Variants in NELL1 observed in about 807,000 individuals in gnomAD.
The protein encoded by NELL1 is neural EGFL like 1, also known as protein kinase C-binding protein NELL1.
In NELL1, 76 loss-of-function variants were observed where a neutral mutation model predicts 107.4. The observed-to-expected ratio is 0.71, with a 90% CI of 0.59 to 0.86. NELL1 has a LOEUF of 0.86. NELL1 is among the 40% of genes least tolerant of loss of function. The pLI, the probability that NELL1 is intolerant of heterozygous loss-of-function variation, is 0.00. For synonymous variants in NELL1, 353 were observed against 341.2 expected (o/e 1.03, Z -0.38); for missense variants, 1,024 against 1,005.5 (o/e 1.02, Z -0.25).
intron 12 of NELL1, among the ~76,000 whole-genome samples, chr11:20,994,069 A>G (rs1386533728): frequency 1.3e-5 from 2 of 152,222 alleles, no homozygotes; most frequent in East Asian, 3.8e-4. Context: ...TGTTCTAGCT[A>G]ATTAGGACAA....
chr11:21,205,336 G>A (rs941483057), intron 13 of NELL1, among the ~76,000 whole-genome samples: 2 of 152,214 alleles, frequency 1.3e-5, no homozygotes, highest in Non-Finnish European at 2.9e-5. Context: ...TAAAGAGGCA[G>A]TCTGGCTACA....
chr11:20,999,123 A>T (rs188461188), intron 12 of NELL1, among the ~76,000 whole-genome samples: 1 of 152,316 alleles, frequency 6.6e-6, no homozygotes, highest in Non-Finnish European at 1.5e-5. Context: ...TGCTAAGTCA[A>T]TGATGGATAT....
At chr11:21,292,404 A>T (rs1182942843) in intron 14 of NELL1, among the ~76,000 whole-genome samples, 1 of 152,178 alleles carries the variant, frequency 6.6e-6, no homozygotes, top group East Asian at 1.9e-4. Context: ...GAGAACTACA[A>T]ACTACTGCTC....
chr11:21,067,362 T>A (rs1175011193), intron 12 of NELL1, among the ~76,000 whole-genome samples: 3 of 151,976 alleles, frequency 2.0e-5, no homozygotes, highest in Non-Finnish European at 4.4e-5. Context: ...CAAACATGAT[T>A]TTTTTTTAAA....
chr11:20,789,043 A>G (rs1857023952), intron 3 of NELL1, among the ~76,000 whole-genome samples: 1 of 152,214 alleles, frequency 6.6e-6, no homozygotes, highest in Non-Finnish European at 1.5e-5. Context: ...TCAATTGACC[A>G]TAAATATGAG....
chr11:20,779,379 C>G (rs1480525745), intron 2 of NELL1, among the ~76,000 whole-genome samples: 1 of 152,218 alleles, frequency 6.6e-6, no homozygotes, highest in Non-Finnish European at 1.5e-5. Context: ...CGTATTCAAT[C>G]TATGTTTAGC....
chr11:21,477,921 A>AG (rs1355189061), intron 15 of NELL1, among the ~76,000 whole-genome samples: 10 of 33,108 alleles, frequency 3.0e-4, no homozygotes, highest in Non-Finnish European at 5.2e-4. Flanking sequence ...AATTATAATA[A>AG]AAAGAAGCAG....
chr11:21,450,060 T>A (rs1309615848), intron 15 of NELL1, among the ~76,000 whole-genome samples: 1 of 152,224 alleles, frequency 6.6e-6, no homozygotes, highest in Non-Finnish European at 1.5e-5. Context: ...GCCTAGTTGG[T>A]GACCTGTTAA....
intron 13 of NELL1, among the ~76,000 whole-genome samples, chr11:21,205,091 G>C (rs1337378836): frequency 2.6e-5 from 4 of 152,140 alleles, no homozygotes; most frequent in Non-Finnish European, 4.4e-5. Flanking sequence ...ATGGGGGTCA[G>C]GGACCCACTT....
At chr11:21,467,822 A>G (rs1368023001) in intron 15 of NELL1, among the ~76,000 whole-genome samples, 1 of 152,016 alleles carries the variant, frequency 6.6e-6, no homozygotes. Context: ...AATCCCTTGG[A>G]ACTCCTGAAT....
chr11:21,150,573 G>A (rs974192014), intron 13 of NELL1, among the ~76,000 whole-genome samples: 9 of 152,264 alleles, frequency 5.9e-5, no homozygotes, highest in East Asian at 3.9e-4. Flanking sequence ...GGTTAATGCC[G>A]TTCATGGCCT....
intron 3 of NELL1, among the ~76,000 whole-genome samples, chr11:20,833,499 A>C (rs1382114864): frequency 6.6e-6 from 1 of 152,186 alleles, no homozygotes; most frequent in African/African-American, 2.4e-5. Context: ...AATATTTATT[A>C]AGTCACTACA....
chr11:21,492,562 A>C (rs1854853037), intron 15 of NELL1, among the ~76,000 whole-genome samples: 1 of 152,034 alleles, frequency 6.6e-6, no homozygotes, highest in Non-Finnish European at 1.5e-5. Context: ...AATACTATGC[A>C]GCCATAAAAA....
chr11:20,677,785 T>A (rs1403805879), intron 1 of NELL1, 147 bp from the exon 2 acceptor site: 2 of 871,178 alleles, frequency 2.3e-6, no homozygotes, highest in African/African-American at 3.3e-5. Flanking sequence ...AGCAAAGATT[T>A]GCTTTTCTTT....
At chr11:21,513,951 G>A (rs1222436487) in intron 15 of NELL1, among the ~76,000 whole-genome samples, 1 of 152,176 alleles carries the variant, frequency 6.6e-6, no homozygotes, top group Non-Finnish European at 1.5e-5. Flanking sequence ...TCCAGGCATT[G>A]TGCCTAGGAC....
intron 15 of NELL1, among the ~76,000 whole-genome samples, chr11:21,428,269 G>C (rs138405412): frequency 6.6e-6 from 1 of 152,234 alleles, no homozygotes; most frequent in African/African-American, 2.4e-5. Context: ...CATTTTCTTA[G>C]AGTTCTTAAG....
intron 3 of NELL1, among the ~76,000 whole-genome samples, chr11:20,813,192 T>A (rs1381655305): frequency 6.6e-6 from 1 of 152,174 alleles, no homozygotes; most frequent in East Asian, 1.9e-4. Context: ...CTTATGACCA[T>A]GGGTGACCAT....
At chr11:20,946,615 C>G (rs1441770235) in intron 10 of NELL1, among the ~76,000 whole-genome samples, 2 of 152,206 alleles carry the variant, frequency 1.3e-5, no homozygotes, top group Non-Finnish European at 1.5e-5. Context: ...CTTTTCAGCT[C>G]TTTGCCAGGA....
intron 15 of NELL1, among the ~76,000 whole-genome samples, chr11:21,525,395 A>G (rs940640481): frequency 2.0e-5 from 3 of 152,330 alleles, no homozygotes; most frequent in Middle Eastern, 3.4e-3. Flanking sequence ...GAGATTGTTC[A>G]TACCTTATTG....
Sources: gnomAD v4.1 joint callset for allele counts (sites outside exome capture counted in the v4.1 genomes callset) on GRCh38, gnomAD v4.1.1 for gene constraint, MANE v1.5 for transcripts, NCBI Gene and HGNC (gene_info 2026-07-23, HGNC 2026-07-21) for gene names.